ST6GALNAC5: variants seen among roughly 807,000 people sequenced by gnomAD.
The protein encoded by ST6GALNAC5 is alpha-N-acetylgalactosaminide alpha-2,6-sialyltransferase 5.
ST6GALNAC5 carries 27 observed loss-of-function variants against 33.6 expected under a neutral mutation model. That is an observed-to-expected ratio of 0.80 (90% confidence interval 0.59 to 1.11). ST6GALNAC5 has a LOEUF of 1.11. Ranked by LOEUF, ST6GALNAC5 falls within the 50% of genes least tolerant of loss-of-function variation. The pLI is 0.00. For synonymous variants in ST6GALNAC5, 194 were observed against 171.2 expected (o/e 1.13, Z -1.04); for missense variants, 428 against 454.0 (o/e 0.94, Z 0.52).
In ST6GALNAC5 at chr1:77,060,034, G is replaced by A. The variant is rs1215554577; in HGVS notation, c.780-2941G>A. 7.2e-5 allele frequency: 11 copies of A among 152,220 alleles called. No homozygotes were observed. The East Asian group carries it at 2.1e-3, about 29-fold the overall frequency. The allele number at this position is 152,220 out of a possible 1,614,324, so 9.4% of individuals were successfully genotyped here. ...GCAGAGTCTATGGGGTTGGAGCATAGGTATTTCCTTAAAGCTCCCCAACCG... is the reference window on the plus strand; with the variant it reads ...GCAGAGTCTATGGGGTTGGAGCATAAGTATTTCCTTAAAGCTCCCCAACCG... On this transcript the variant is annotated intron_variant, in intron 4 of 4. Transcript: ENST00000477717.
intron 2 of ST6GALNAC5, among the ~76,000 whole-genome samples, chr1:77,002,458 T>G (rs1010636356): frequency 5.3e-5 from 8 of 151,610 alleles, no homozygotes; most frequent in African/African-American, 1.7e-4. Context: ...GATTCATTAA[T>G]TTTTTGAACG....
At chr1:76,968,962 T>C (rs1648619751) in intron 2 of ST6GALNAC5, among the ~76,000 whole-genome samples, 1 of 152,206 alleles carries the variant, frequency 6.6e-6, no homozygotes, top group East Asian at 1.9e-4. Flanking sequence ...GTTACACTGA[T>C]GGTCTTCCCT....
intron 2 of ST6GALNAC5, among the ~76,000 whole-genome samples, chr1:76,933,365 G>A (rs1343783603): frequency 6.6e-6 from 1 of 151,926 alleles, no homozygotes; most frequent in African/African-American, 2.4e-5. Context: ...CCCTGCTTCA[G>A]GGAGCTAACA....
intron 2 of ST6GALNAC5, among the ~76,000 whole-genome samples, chr1:76,996,392 T>A (rs1439941446): frequency 6.6e-6 from 1 of 150,986 alleles, no homozygotes; most frequent in East Asian, 1.9e-4. Context: ...CAAACAAGAA[T>A]GAGATGTATG....
At chr1:77,060,787 G>T (rs150488547) in intron 4 of ST6GALNAC5, among the ~76,000 whole-genome samples, 2 of 151,968 alleles carry the variant, frequency 1.3e-5, no homozygotes, top group Non-Finnish European at 2.9e-5. Context: ...CCTAGGTGCC[G>T]AATCAATCTT....
chr1:76,993,477 G>A (rs987372070), intron 2 of ST6GALNAC5, among the ~76,000 whole-genome samples: 2 of 152,180 alleles, frequency 1.3e-5, no homozygotes, highest in Non-Finnish European at 2.9e-5. Context: ...ATGTTTCACT[G>A]CAGCTTTCCC....
At chr1:77,011,564 G>A (rs1650635777) in intron 2 of ST6GALNAC5, among the ~76,000 whole-genome samples, 1 of 152,120 alleles carries the variant, frequency 6.6e-6, no homozygotes, top group South Asian at 2.1e-4. Flanking sequence ...TTATACTTTA[G>A]ACTAATTGAA....
At chr1:76,925,736 T>C (rs1646528589) in intron 2 of ST6GALNAC5, among the ~76,000 whole-genome samples, 1 of 152,120 alleles carries the variant, frequency 6.6e-6, no homozygotes, top group African/African-American at 2.4e-5. Context: ...CATTAGTAAA[T>C]ATAAACATTT....
intron 2 of ST6GALNAC5, among the ~76,000 whole-genome samples, chr1:77,016,646 G>A (rs150664233): frequency 6.6e-6 from 1 of 152,188 alleles, no homozygotes; most frequent in African/African-American, 2.4e-5. Flanking sequence ...CTTTCATTGT[G>A]TAAACTGAAC....
chr1:76,977,088 T>C (rs896455462), intron 2 of ST6GALNAC5, among the ~76,000 whole-genome samples: 2 of 152,204 alleles, frequency 1.3e-5, no homozygotes, highest in African/African-American at 4.8e-5. Context: ...TTTCTATCTA[T>C]ATTAATCTCT....
intron 2 of ST6GALNAC5, among the ~76,000 whole-genome samples, chr1:76,955,686 C>T (rs182270305): frequency 6.6e-6 from 1 of 152,284 alleles, no homozygotes; most frequent in Non-Finnish European, 1.5e-5. Flanking sequence ...CATAAATCCA[C>T]ATTAAATACA....
intron 2 of ST6GALNAC5, among the ~76,000 whole-genome samples, chr1:77,005,435 G>A (rs1650366721): frequency 6.6e-6 from 1 of 152,240 alleles, no homozygotes; most frequent in Non-Finnish European, 1.5e-5. Flanking sequence ...TGGAAATGCA[G>A]AAATCACCCG....
At chr1:76,903,544 A>T (rs548217238) in intron 2 of ST6GALNAC5, among the ~76,000 whole-genome samples, 1 of 152,224 alleles carries the variant, frequency 6.6e-6, no homozygotes, top group East Asian at 1.9e-4. Flanking sequence ...ATATGCCAAT[A>T]TAAATGAAAA....
At chr1:77,034,813 A>C (rs1242590631) in intron 2 of ST6GALNAC5, among the ~76,000 whole-genome samples, 5 of 152,168 alleles carry the variant, frequency 3.3e-5, no homozygotes, top group Non-Finnish European at 5.9e-5. Context: ...GTTGCAACTT[A>C]AGTGTACTAT....
intron 2 of ST6GALNAC5, among the ~76,000 whole-genome samples, chr1:76,956,061 C>G (rs1647950400): frequency 6.6e-6 from 1 of 151,978 alleles, no homozygotes; most frequent in African/African-American, 2.4e-5. Flanking sequence ...TTGGTACTGC[C>G]TTATTGTAGG....
chr1:76,928,598 C>CA lies in ST6GALNAC5; in HGVS notation c.261+59862dup, dbSNP rs1203961147. 3.9e-5 allele frequency among the ~76,000 whole-genome samples: 6 copies of CA among 152,102 alleles called. No individual in the cohort carries two copies. In the East Asian group the frequency reaches 1.2e-3, roughly 29 times the overall value. ...TTACATCAGATGAGTGAGTCCATCC[C>CA]AAAAAATGAGTTGGGTACGTATTTG... is the stretch of plus-strand genomic sequence containing the variant. On this transcript the variant is annotated intron_variant, in intron 2 of 4. Transcript: ENST00000477717.
Position 76,954,441 on chromosome 1 carries a change from G to A in ST6GALNAC5, c.261+85699G>A, listed in dbSNP as rs183236892. On this transcript the variant is annotated intron_variant, in intron 2 of 4. Transcript: ENST00000477717. ...TAATTGATGCTGGACTTAATGCCAA[G>A]GTGCTGAAATGATCTTTGCAGCAAA... Among the ~76,000 whole-genome samples the A allele has an allele frequency of 2.2e-3, 340 of 152,164 alleles. 1 individual carries two copies. Among genetic ancestry groups the A allele is most frequent in the African/African-American group, 7.7e-3 (320 of 41,528 alleles).
At chr1:76,951,466 G>T (rs140991064) in intron 2 of ST6GALNAC5, among the ~76,000 whole-genome samples, 117 of 152,168 alleles carry the variant, frequency 7.7e-4, no homozygotes, top group African/African-American at 2.8e-3. Context: ...ACACACTGGG[G>T]CCTGTTTTGG....
intron 2 of ST6GALNAC5, among the ~76,000 whole-genome samples, chr1:76,973,899 G>A (rs1648872000): frequency 9.8e-6 from 1 of 102,376 alleles, no homozygotes; most frequent in African/African-American, 5.5e-5. Flanking sequence ...CAAGTTTTAT[G>A]TTCTGTTTGG....
Sources: allele counts gnomAD v4.1 joint callset (sites outside exome capture counted in the v4.1 genomes callset), GRCh38; gene constraint gnomAD v4.1.1; transcripts MANE v1.5; gene names NCBI Gene and HGNC (gene_info 2026-07-23, HGNC 2026-07-21).